Variants in ZNF329 observed in about 807,000 individuals in gnomAD.
The protein encoded by ZNF329 is zinc finger protein 329.
ZNF329 carries 15 observed loss-of-function variants against 26.6 expected under a neutral mutation model. The ratio of observed to expected loss-of-function variants is 0.56; its 90% CI spans 0.38 to 0.87. The LOEUF (loss-of-function observed/expected upper bound fraction) is 0.87, where lower values mean the gene tolerates loss of function less well. ZNF329 is among the 40% of genes least tolerant of loss of function. The pLI is 0.00. For missense variants in ZNF329, 651 were observed against 651.9 expected, an observed-to-expected ratio of 1.00 and a Z score of 0.02; for synonymous variants, 239 against 233.5, an observed-to-expected ratio of 1.02 and a Z score of -0.21.
chr19:58,146,000 G>GAAAA (rs36035684), intron 1 of ZNF329, among the ~76,000 whole-genome samples: 10 of 123,236 alleles, frequency 8.1e-5, no homozygotes, highest in African/African-American at 3.1e-4. Flanking sequence ...TCAATTTCAT[G>GAAAA]AAAAAAAAAA....
rs760606664 is a variant in ZNF329 at position 58,128,511 on chromosome 19, T to A, written c.993A>T (p.Thr331=). The A allele has an allele frequency of 1.9e-6, 3 of 1,613,886 alleles. No individual in the cohort carries two copies. The Admixed American group carries it at 5.0e-5, about 27-fold the overall frequency. Residue 331 remains threonine (T), a synonymous_variant, in exon 4 of 4, where the codon ACA becomes ACT. Coordinates refer to ENST00000598312, the MANE Select transcript of ZNF329 (RefSeq NM_024620.4). ...CACCGGTGTGGATTCTGAGATGCAC[T>A]GTAAGGTGGGAGATGTCAGTGAAGG... ...GKPFTDISHL[T]VHLRIHTGEK...
At chr19:58,147,419 T>TG (rs1232687426) in intron 1 of ZNF329, among the ~76,000 whole-genome samples, 1 of 134,382 alleles carries the variant, frequency 7.4e-6, no homozygotes, top group Non-Finnish European at 1.6e-5. Flanking sequence ...AGGAGGGAGG[T>TG]GGGGGGCCAG....
intron 3 of ZNF329, among the ~76,000 whole-genome samples, chr19:58,133,402 A>G (rs1269923170): frequency 2.6e-5 from 4 of 152,108 alleles, no homozygotes; most frequent in African/African-American, 7.2e-5. Flanking sequence ...TCTGGGCAAC[A>G]TGGTGAAACC....
In ZNF329 at chr19:58,129,172, G is replaced by C; in HGVS notation, c.332C>G (p.Pro111Arg). The stretch of plus-strand genomic sequence containing the variant: ...AGTTCTCTTATCTGCATAACTTTTA[G>C]GATAGCTGGGTAAGGCGGGGTCACA... ...LDCDPALPSYPKSYADKRTGD... is the reference protein window; with the variant it reads ...LDCDPALPSYRKSYADKRTGD... The change falls in exon 4 of 4, where the codon CCT (proline) becomes CGT (arginine). Residue 111 changes from proline (P) to arginine (R), a missense_variant. Physicochemically the swap from Pro to Arg is moderately radical, Grantham distance 103 (BLOSUM62 -2). Transcript: ENST00000598312. The C allele has an allele frequency of 1.2e-6, 2 of 1,614,124 alleles. No homozygotes were observed. Among genetic ancestry groups the C allele is most frequent in the Non-Finnish European group, 1.7e-6 (2 of 1,180,022 alleles).
At position 58,140,760 on chromosome 19, in the gene ZNF329, T is replaced by C. The variant is rs77882317; in HGVS notation, c.-9+1797A>G. Among the ~76,000 whole-genome samples the C allele has an allele frequency of 8.2e-3, 1,243 of 152,072 alleles. 22 individuals carry two copies. Among genetic ancestry groups the C allele is most frequent in the African/African-American group, 0.028 (1,159 of 41,480 alleles). On this transcript the variant is annotated intron_variant, in intron 3 of 3. Coordinates refer to ENST00000598312, the MANE Select transcript of ZNF329 (RefSeq NM_024620.4). ...CAGGGTCTCACTCTCTTGTCCAGCC[T>C]AGACTGCAAGGTGCAATCAAGGCTC... is the stretch of plus-strand genomic sequence containing the variant.
At chr19:58,131,105 A>G (rs1414307915) in intron 3 of ZNF329, among the ~76,000 whole-genome samples, 2 of 149,416 alleles carry the variant, frequency 1.3e-5, no homozygotes, top group African/African-American at 2.5e-5. Context: ...ATATATATAC[A>G]TGTATATGTG....
At chr19:58,150,018 T>C (rs1568679752) in intron 1 of ZNF329, among the ~76,000 whole-genome samples, 2 of 152,172 alleles carry the variant, frequency 1.3e-5, no homozygotes, top group Non-Finnish European at 2.9e-5. Context: ...TACAGTAAGT[T>C]CAGCAGACGT....
rs1415787462 is a variant in ZNF329 at position 58,128,224 on chromosome 19, T to C, written c.1280A>G (p.Tyr427Cys). 6 of 1,592,374 alleles carry C rather than the reference T, an allele frequency of 3.8e-6. No individual in the cohort carries two copies. Among genetic ancestry groups the C allele is most frequent in the African/African-American group, 1.3e-5 (1 of 74,320 alleles). ...HQRIHTGEKP[Y>C]GCNQCQKLFR... ...AAGTTTCTGACACTGGTTGCAGCCA[T>C]AGGGCTTCTCGCCAGTATGAATCCT... Residue 427 changes from tyrosine to cysteine, a missense_variant, in exon 4 of 4, where the codon TAT becomes TGT. Tyr to Cys is a radical substitution (Grantham distance 194). Coordinates refer to ENST00000598312, the MANE Select transcript of ZNF329 (RefSeq NM_024620.4).
chr19:58,140,301 T>A (rs2075155402), intron 3 of ZNF329, among the ~76,000 whole-genome samples: 1 of 152,170 alleles, frequency 6.6e-6, no homozygotes, highest in Non-Finnish European at 1.5e-5. Flanking sequence ...TATTTAATAT[T>A]ACCAGTAAAT....
At position 58,140,874 on chromosome 19, in the gene ZNF329, ATT is replaced by A. The variant is rs34583536; in HGVS notation, c.-9+1681_-9+1682del. Among the ~76,000 whole-genome samples the A allele has an allele frequency of 4.5e-4, 60 of 133,884 alleles. 1 individual carries two copies. Among genetic ancestry groups the A allele is most frequent in the African/African-American group, 1.4e-3 (51 of 35,988 alleles). The allele number at this position is 133,884 out of a possible 152,430, so 87.8% of individuals were successfully genotyped here. The stretch of plus-strand genomic sequence containing the variant: ...CCACAGTTGCACACCATCACACATA[ATT>A]TTTTTTTTTTTTTTGAGTTAGAATC... On this transcript the variant is annotated intron_variant, in intron 3 of 3. Transcript: ENST00000598312.
At chr19:58,137,220 G>A (rs1254444996) in intron 3 of ZNF329, among the ~76,000 whole-genome samples, 1 of 152,080 alleles carries the variant, frequency 6.6e-6, no homozygotes, top group East Asian at 1.9e-4. Context: ...AAAGAACTAT[G>A]GACTAAACCA....
chr19:58,144,641 G>A (rs918361617), intron 1 of ZNF329, among the ~76,000 whole-genome samples: 2 of 150,062 alleles, frequency 1.3e-5, no homozygotes, highest in Admixed American at 1.3e-4. Context: ...TGCCTGCCTC[G>A]ACCTCCCAAA....
At chr19:58,151,270 T>A (rs948083800), upstream of ZNF329, among the ~76,000 whole-genome samples, 2 of 152,198 alleles carry the variant, frequency 1.3e-5, no homozygotes, top group Non-Finnish European at 2.9e-5. Flanking sequence ...TTTCAGTGGT[T>A]CTCTTAAACT....
At chr19:58,136,307 T>C (rs1243606775) in intron 3 of ZNF329, among the ~76,000 whole-genome samples, 2 of 151,864 alleles carry the variant, frequency 1.3e-5, no homozygotes, top group Non-Finnish European at 2.9e-5. Flanking sequence ...TCAAAACATG[T>C]GGCAAATGAG....
At chr19:58,146,590 T>C (rs1326777435) in intron 1 of ZNF329, among the ~76,000 whole-genome samples, 4 of 147,992 alleles carry the variant, frequency 2.7e-5, no homozygotes, top group Non-Finnish European at 5.9e-5. Flanking sequence ...ACGGTCTCCC[T>C]CTGATGCCGA....
Position 58,129,408 on chromosome 19 carries a change from G to A in ZNF329, c.96C>T (p.Ser32=). ...ERFTREVPCL[S]SLGDGWDCEN... ...CACAGTCCCAACCATCACCTAAACT[G>A]GACAAGCAGGGAACTTCCCTTGTGA... The change falls in exon 4 of 4, where the codon TCC becomes TCT. Residue 32 remains serine (S), a synonymous_variant. Coordinates refer to ENST00000598312, the MANE Select transcript of ZNF329 (RefSeq NM_024620.4). 6.2e-7 allele frequency: 1 copy of A among 1,614,122 alleles called. No individual in the cohort carries two copies. Among genetic ancestry groups the A allele is most frequent in the South Asian group, 1.1e-5 (1 of 91,084 alleles).
Position 58,140,874 on chromosome 19 carries a change from A to ATTT in ZNF329, c.-9+1680_-9+1682dup, listed in dbSNP as rs34583536. 9.5e-3 allele frequency among the ~76,000 whole-genome samples: 1,279 copies of ATTT among 133,930 alleles called. 27 individuals are homozygous for ATTT. Among genetic ancestry groups the ATTT allele is most frequent in the African/African-American group, 0.03 (1,068 of 36,044 alleles). 87.9% of individuals were successfully genotyped at this position (133,930 alleles called of 152,430 possible). On this transcript the variant is annotated intron_variant, in intron 3 of 3. Coordinates refer to ENST00000598312, the MANE Select transcript of ZNF329 (RefSeq NM_024620.4). The stretch of plus-strand genomic sequence containing the variant: ...CCACAGTTGCACACCATCACACATA[A>ATTT]TTTTTTTTTTTTTTTTGAGTTAGAA...
chr19:58,152,583 C>T (rs1157207383), upstream of ZNF329, among the ~76,000 whole-genome samples: 3 of 152,074 alleles, frequency 2.0e-5, no homozygotes, highest in Non-Finnish European at 2.9e-5. Flanking sequence ...GGAGACCGGA[C>T]GCGGTGGCTC....
At chr19:58,152,306 G>C (rs893578913), upstream of ZNF329, among the ~76,000 whole-genome samples, 1 of 151,538 alleles carries the variant, frequency 6.6e-6, no homozygotes, top group Non-Finnish European at 1.5e-5. Context: ...GGGCTGGGGG[G>C]ATCACCTGAG....
Sources: gnomAD v4.1 joint callset for allele counts (sites outside exome capture counted in the v4.1 genomes callset) on GRCh38, gnomAD v4.1.1 for gene constraint, MANE v1.5 for transcripts, NCBI Gene and HGNC (gene_info 2026-07-23, HGNC 2026-07-21) for gene names.